Variants in CENPP observed in about 807,000 individuals in gnomAD.
The protein encoded by CENPP is centromere protein P.
CENPP carries 24 observed loss-of-function variants against 35.6 expected under a neutral mutation model. That is an observed-to-expected ratio of 0.67 (90% confidence interval 0.49 to 0.95). The LOEUF is 0.95. Ranked by LOEUF, CENPP falls within the 40% of genes least tolerant of loss-of-function variation. CENPP has a pLI of 0.00. For missense variants in CENPP, 332 were observed against 345.3 expected, an observed-to-expected ratio of 0.96 and a Z score of 0.31; for synonymous variants, 120 against 125.5, an observed-to-expected ratio of 0.96 and a Z score of 0.29.
chr9:92,500,340 G>T (rs577473182), intron 5 of CENPP, among the ~76,000 whole-genome samples: 1 of 151,992 alleles, frequency 6.6e-6, no homozygotes, highest in Admixed American at 6.5e-5. Context: ...GCACCACCAC[G>T]CCCTGCTAAG....
chr9:92,437,379 A>G (rs1041611957), intron 5 of CENPP, among the ~76,000 whole-genome samples: 2 of 150,070 alleles, frequency 1.3e-5, no homozygotes, highest in African/African-American at 2.5e-5. Flanking sequence ...CTTCTAGTGT[A>G]TGATTAGTCT....
chr9:92,362,927 C>G (rs1207914701), intron 4 of CENPP, among the ~76,000 whole-genome samples: 1 of 152,078 alleles, frequency 6.6e-6, no homozygotes, highest in Non-Finnish European at 1.5e-5. Context: ...TTTTGGTGCT[C>G]AAAGTGTCCC....
At chr9:92,546,893 G>C (rs1045253607) in intron 5 of CENPP, among the ~76,000 whole-genome samples, 7 of 152,174 alleles carry the variant, frequency 4.6e-5, no homozygotes, top group African/African-American at 1.4e-4. Flanking sequence ...CTTCCCACAA[G>C]AGATACCACA....
At chr9:92,471,342 G>T (rs1440978563) in intron 5 of CENPP, among the ~76,000 whole-genome samples, 1 of 151,812 alleles carries the variant, frequency 6.6e-6, no homozygotes, top group Non-Finnish European at 1.5e-5. Flanking sequence ...GATTACAGGT[G>T]TGTGCCACCA....
At chr9:92,505,078 A>T (rs369904047) in intron 5 of CENPP, among the ~76,000 whole-genome samples, 2 of 152,210 alleles carry the variant, frequency 1.3e-5, no homozygotes, top group African/African-American at 4.8e-5. Flanking sequence ...TTCTTTGTAC[A>T]ACACTTGTAT....
intron 5 of CENPP, chr9:92,385,409 AT>A: frequency 4.2e-6 from 2 of 481,682 alleles, no homozygotes; most frequent in East Asian, 6.9e-5. Context: ...CTGTTTAAAT[AT>A]TTTCATATTA....
intron 4 of CENPP, among the ~76,000 whole-genome samples, chr9:92,349,612 C>T (rs1841393179): frequency 6.6e-6 from 1 of 151,998 alleles, no homozygotes; most frequent in African/African-American, 2.4e-5. Context: ...CCATGTTGGC[C>T]AGGATGGTCT....
At chr9:92,596,714 A>G (rs1850792839) in intron 5 of CENPP, among the ~76,000 whole-genome samples, 1 of 152,072 alleles carries the variant, frequency 6.6e-6, no homozygotes, top group African/African-American at 2.4e-5. Flanking sequence ...TGTCCCCGCC[A>G]TGACAGCAGC....
chr9:92,571,389 T>C (rs1293965865), intron 5 of CENPP, among the ~76,000 whole-genome samples: 1 of 152,220 alleles, frequency 6.6e-6, no homozygotes, highest in Admixed American at 6.5e-5. Context: ...GTTGAGCGGT[T>C]TTGAGTGAGT....
chr9:92,545,183 A>C lies in CENPP; in HGVS notation c.565-66131A>C, dbSNP rs1325491903. 5.9e-5 allele frequency among the ~76,000 whole-genome samples: 9 copies of C among 152,146 alleles called. No homozygotes were observed. In the East Asian group the frequency reaches 1.8e-3, roughly 30 times the overall value. Reference sequence around the variant, plus strand: ...CCTTCAGCCCACGCTGTGCTGTGGGAGCTCCTTCCTGGGATGGCCGAGGCC... The same window carrying C: ...CCTTCAGCCCACGCTGTGCTGTGGGCGCTCCTTCCTGGGATGGCCGAGGCC... On this transcript the variant is annotated intron_variant, in intron 5 of 7. Transcript: ENST00000375587.
intron 5 of CENPP, among the ~76,000 whole-genome samples, chr9:92,395,806 A>G (rs768714065): frequency 4.7e-5 from 7 of 149,898 alleles, no homozygotes; most frequent in Non-Finnish European, 1.0e-4. Flanking sequence ...GCATCCATAT[A>G]TTTGATGACT....
intron 5 of CENPP, among the ~76,000 whole-genome samples, chr9:92,537,710 C>G (rs1023006669): frequency 6.6e-6 from 1 of 152,042 alleles, no homozygotes; most frequent in Non-Finnish European, 1.5e-5. Context: ...GAGCAAACAC[C>G]ATTAAACAGG....
intron 5 of CENPP, among the ~76,000 whole-genome samples, chr9:92,591,472 ACTTGTTGGAAGATATGCC>A (rs1409991516): frequency 6.6e-6 from 1 of 151,680 alleles, no homozygotes; most frequent in Non-Finnish European, 1.5e-5. Flanking sequence ...TCCAAACCAT[ACTTGTTGGAAGATATGCC>A]CTTGTGTGTC....
At chr9:92,486,649 C>T (rs1469502232) in intron 5 of CENPP, among the ~76,000 whole-genome samples, 2 of 152,116 alleles carry the variant, frequency 1.3e-5, no homozygotes, top group South Asian at 2.1e-4. Flanking sequence ...GCTGAGCTCA[C>T]TCTGTCATCC....
At chr9:92,421,818 C>T (rs1843805833) in intron 5 of CENPP, among the ~76,000 whole-genome samples, 1 of 152,054 alleles carries the variant, frequency 6.6e-6, no homozygotes, top group African/African-American at 2.4e-5. Context: ...AAAGTGAACC[C>T]TAATCTAAGG....
At chr9:92,359,288 A>G (rs970672114) in intron 4 of CENPP, among the ~76,000 whole-genome samples, 1 of 151,862 alleles carries the variant, frequency 6.6e-6, no homozygotes. Flanking sequence ...TTTTGTTGTT[A>G]TTGTTGTTGA....
At chr9:92,536,173 AT>A (rs1027838347) in intron 5 of CENPP, 72 of 339,804 alleles carry the variant, frequency 2.1e-4, no homozygotes, top group East Asian at 4.0e-4. Context: ...CAAGGGAAAT[AT>A]TTTTTTTAAT....
In CENPP at chr9:92,619,565, C is replaced by A. The variant is rs1200757375; in HGVS notation, c.*6416C>A. On this transcript the variant is annotated 3_prime_UTR_variant, in exon 8 of 8. Transcript: ENST00000375587. Reference sequence around the variant, plus strand: ...GTCATGGCGACGCGGTACTGCTGCACCTGCAGGGGCGGGAAAGATCAGCTC... The same window carrying A: ...GTCATGGCGACGCGGTACTGCTGCAACTGCAGGGGCGGGAAAGATCAGCTC... 12 of 1,577,148 alleles carry A rather than the reference C, an allele frequency of 7.6e-6. No individual in the cohort carries two copies. The Admixed American group carries it at 1.9e-4, about 25-fold the overall frequency.
intron 4 of CENPP, among the ~76,000 whole-genome samples, chr9:92,358,573 C>G (rs1167259739): frequency 1.3e-5 from 2 of 152,118 alleles, no homozygotes; most frequent in Non-Finnish European, 2.9e-5. Flanking sequence ...CACTTTTCCT[C>G]ATTCTTTTTT....
Sources: allele counts gnomAD v4.1 joint callset (sites outside exome capture counted in the v4.1 genomes callset), GRCh38; gene constraint gnomAD v4.1.1; transcripts MANE v1.5; gene names NCBI Gene and HGNC (gene_info 2026-07-23, HGNC 2026-07-21).